Variants in NOTCH1 observed in about 807,000 individuals in gnomAD.
NOTCH1 encodes the protein neurogenic locus notch homolog protein 1.
In NOTCH1, 37 loss-of-function variants were observed where a neutral mutation model predicts 254.8. That is an observed-to-expected ratio of 0.15 (90% CI 0.11 to 0.19). The LOEUF is 0.19. Among genes scored for constraint, NOTCH1 ranks in the 10% least tolerant of loss-of-function variants. NOTCH1 has a pLI of 1.00. For missense variants in NOTCH1, 2,972 were observed against 3,708.6 expected (o/e 0.80, Z 5.16); for synonymous variants, 1,731 against 1,618.1 (o/e 1.07, Z -1.68).
chr9:136,516,128 T>C (rs1372045571), intron 9 of NOTCH1, 34 bp from the exon 10 acceptor site: 1 of 1,518,728 alleles, frequency 6.6e-7, no homozygotes, highest in Non-Finnish European at 9.1e-7. Flanking sequence ...GGGAGTCATG[T>C]GCAACAGCAC....
intron 12 of NOTCH1, 29 bp downstream of exon 12, chr9:136,515,261 A>T (rs2133362187): frequency 6.3e-7 from 1 of 1,596,466 alleles, no homozygotes; most frequent in Non-Finnish European, 8.6e-7. Context: ...AGCACAGTGC[A>T]GTCAGCCCCC....
Position 136,507,375 on chromosome 9 carries a change from G to T in NOTCH1, c.3573C>A (p.Pro1191=). The change falls in exon 22 of 34, where the codon CCC becomes CCA. Residue 1191 remains proline, a synonymous_variant. Transcript: ENST00000651671. ...SEEIDECLSH[P]CQNGGTCLDL... Reference sequence around the variant, plus strand: ...CGAGGCAGGTGCCCCCGTTCTGGCAGGGGTGGGAGAGGCACTCGTCGATCT... The same window carrying T: ...CGAGGCAGGTGCCCCCGTTCTGGCATGGGTGGGAGAGGCACTCGTCGATCT... The T allele has an allele frequency of 6.2e-7, 1 of 1,612,652 alleles. No individual in the cohort carries two copies.
chr9:136,520,915 G>T (rs906458205), intron 4 of NOTCH1, among the ~76,000 whole-genome samples: 1 of 152,146 alleles, frequency 6.6e-6, no homozygotes, highest in East Asian at 1.9e-4. Flanking sequence ...CGAGAGCCCC[G>T]TGGACCCCAG....
Position 136,502,864 on chromosome 9 carries a change from T to C in NOTCH1, c.5167+318A>G, listed in dbSNP as rs1234153270. 5 of 590,720 alleles carry C rather than the reference T, an allele frequency of 8.5e-6. No individual in the cohort carries two copies. The East Asian group carries it at 9.4e-5, about 11-fold the overall frequency. The allele number at this position is 590,720 out of a possible 1,614,324, so 36.6% of individuals were successfully genotyped here. ...GATCAATTCTTCTCTCTCTCTCTTT[T>C]TTTTTCTTTAAAAAAAGCCGTAATG... On this transcript the variant is annotated intron_variant, in intron 27 of 33. Transcript: ENST00000651671.
intron 2 of NOTCH1, chr9:136,543,804 T>C (rs1843769069): frequency 3.2e-6 from 2 of 630,304 alleles, no homozygotes; most frequent in Admixed American, 2.4e-5. Context: ...CACGGAGGAG[T>C]GCCCAAGCCC....
chr9:136,537,058 C>T (rs559084541), intron 2 of NOTCH1, among the ~76,000 whole-genome samples: 8 of 152,312 alleles, frequency 5.3e-5, no homozygotes, highest in East Asian at 1.9e-4. Context: ...GCCGCGGGCA[C>T]GCCAGTCCAT....
intron 27 of NOTCH1, 34 bp downstream of exon 27, chr9:136,503,148 G>A (rs2133332994): frequency 6.2e-7 from 1 of 1,612,138 alleles, no homozygotes; most frequent in Non-Finnish European, 8.5e-7. Flanking sequence ...CCCCCTGCAG[G>A]CAGAGCCTGT....
chr9:136,517,182 C>A, intron 9 of NOTCH1, 90 bp downstream of exon 9: 1 of 830,700 alleles, frequency 1.2e-6, no homozygotes, highest in East Asian at 2.7e-5. Flanking sequence ...GCAGATGGCC[C>A]GGGGGCAGGG....
At chr9:136,507,159 C>T in intron 22 of NOTCH1, 146 bp downstream of exon 22, 1 of 1,491,592 alleles carries the variant, frequency 6.7e-7, no homozygotes. Flanking sequence ...TTTCCCTGGG[C>T]AGCTGTGAGT....
chr9:136,522,810 G>C (rs761210279), intron 4 of NOTCH1, 40 bp downstream of exon 4: 2 of 1,442,336 alleles, frequency 1.4e-6, no homozygotes, highest in Non-Finnish European at 1.8e-6. Flanking sequence ...CCTGGCAGCC[G>C]GGGAGGGGCT....
chr9:136,503,356 G>A (rs2133333868), intron 26 of NOTCH1, 26 bp from the exon 27 acceptor site: 9 of 1,612,154 alleles, frequency 5.6e-6, no homozygotes, highest in Non-Finnish European at 7.6e-6. Flanking sequence ...GAGAGGGGCT[G>A]GGACCCGAGG....
rs1160184715 is a variant in NOTCH1, at chr9:136,496,204, G to A, written c.7535C>T (p.Pro2512Leu). 1 of 1,609,792 alleles carries A rather than the reference G, an allele frequency of 6.2e-7. No individual in the cohort carries two copies. The highest frequency in any genetic ancestry group is 1.7e-5 in the Admixed American group (1 of 59,798). ...CCACTGGTCAGGGGACTCAGGGGAC[G>A]GGGTGAGGAAGGGGTGCTCAGGCAC... Reference protein sequence around the residue: ...LQVPEHPFLTPSPESPDQWSS... With the variant: ...LQVPEHPFLTLSPESPDQWSS... The change falls in exon 34 of 34, where the codon CCG (proline) becomes CTG (leucine). Residue 2512 changes from proline (P) to leucine (L), a missense_variant. Physicochemically the swap from Pro to Leu is moderately conservative, Grantham distance 98 (BLOSUM62 -3). Transcript: ENST00000651671.
intron 1 of NOTCH1, 35 bp from the exon 2 acceptor site, chr9:136,544,137 C>A (rs1298765416): frequency 5.9e-6 from 9 of 1,536,720 alleles, no homozygotes; most frequent in Admixed American, 1.9e-5. Flanking sequence ...GTCAGTCTCA[C>A]CCGCACCACC....
intron 33 of NOTCH1, 59 bp downstream of exon 33, chr9:136,498,840 C>T (rs1206585166): frequency 8.8e-6 from 14 of 1,593,238 alleles, no homozygotes; most frequent in Non-Finnish European, 1.1e-5. Context: ...GGGTTTGGCC[C>T]TCACTTCTCT....
At chr9:136,534,889 CCA>C (rs1843619085) in intron 2 of NOTCH1, among the ~76,000 whole-genome samples, 2 of 91,200 alleles carry the variant, frequency 2.2e-5, no homozygotes, top group Admixed American at 1.1e-4. Context: ...ACAGAGCCCC[CCA>C]GTCCCTCCTC....
Position 136,540,418 on chromosome 9 carries a change from C to T in NOTCH1, c.140+3606G>A, listed in dbSNP as rs1429956032. On this transcript the variant is annotated intron_variant, in intron 2 of 33. Coordinates refer to ENST00000651671, the MANE Select transcript of NOTCH1 (RefSeq NM_017617.5). The surrounding 1 kb of genome is among the most constrained non-coding windows in gnomAD (Gnocchi z 4.4). ...CCGGCAAGTCCCTCCCCAGGCAGTG[C>T]CAGGCCCAGCCCACCAGGCAGCACC... Among the ~76,000 whole-genome samples, 4 of 152,216 alleles carry T rather than the reference C, an allele frequency of 2.6e-5. No homozygotes were observed. Among genetic ancestry groups the T allele is most frequent in the African/African-American group, 9.6e-5 (4 of 41,458 alleles).
chr9:136,537,996 C>T (rs3013303), intron 2 of NOTCH1, among the ~76,000 whole-genome samples: 4,858 of 152,188 alleles, frequency 0.032, 252 homozygotes, highest in African/African-American at 0.11. Flanking sequence ...AGGAGCATCG[C>T]GTGAATCTGG....
intron 25 of NOTCH1, 89 bp from the exon 26 acceptor site, chr9:136,505,193 G>A (rs941730215): frequency 3.3e-5 from 51 of 1,526,414 alleles, no homozygotes; most frequent in Non-Finnish European, 4.4e-5. Flanking sequence ...CCAGCCGCGG[G>A]GGACGTCCCT....
intron 2 of NOTCH1, among the ~76,000 whole-genome samples, chr9:136,539,537 C>A (rs917966776): frequency 6.6e-6 from 1 of 152,188 alleles, no homozygotes; most frequent in African/African-American, 2.4e-5. Flanking sequence ...TACAGGCACA[C>A]GCCACTGCGC....
Sources: gnomAD v4.1 joint callset for allele counts (sites outside exome capture counted in the v4.1 genomes callset) on GRCh38, gnomAD v4.1.1 for gene constraint, Gnocchi (gnomAD v3.1) non-coding constraint, MANE v1.5 for transcripts, NCBI Gene and HGNC (gene_info 2026-07-23, HGNC 2026-07-21) for gene names.